BLK: variants seen among roughly 807,000 people sequenced by gnomAD.
BLK encodes the protein tyrosine-protein kinase Blk.
BLK carries 64 observed loss-of-function variants against 61.8 expected under a neutral mutation model. The ratio of observed to expected loss-of-function variants is 1.03; its 90% CI spans 0.85 to 1.27. The LOEUF (loss-of-function observed/expected upper bound fraction) is 1.27. Ranked by LOEUF, BLK falls within the 50% of genes most tolerant of loss-of-function variation. The probability of loss-of-function intolerance (pLI) is 0.00; values close to 1 mark genes in which losing one functional copy is unlikely to be tolerated. For missense variants in BLK, 853 were observed against 660.5 expected, an observed-to-expected ratio of 1.29 and a Z score of -3.19; for synonymous variants, 351 against 272.0, an observed-to-expected ratio of 1.29 and a Z score of -2.86.
chr8:11,540,288 T>C (rs1357042222), intron 1 of BLK, among the ~76,000 whole-genome samples: 2 of 152,204 alleles, frequency 1.3e-5, no homozygotes, highest in Non-Finnish European at 2.9e-5. Context: ...AAATAAACTA[T>C]CCACTTTCTA....
chr8:11,497,536 T>A (rs891402396), intron 1 of BLK, among the ~76,000 whole-genome samples: 1 of 152,168 alleles, frequency 6.6e-6, no homozygotes, highest in African/African-American at 2.4e-5. Flanking sequence ...CCAAAGCTCC[T>A]GAGGACAAGG....
At chr8:11,498,939 T>C (rs757716425) in intron 1 of BLK, among the ~76,000 whole-genome samples, 1 of 152,236 alleles carries the variant, frequency 6.6e-6, no homozygotes, top group Non-Finnish European at 1.5e-5. Flanking sequence ...AAGACACATC[T>C]TACATGACAA....
At chr8:11,524,648 G>T (rs1799581190) in intron 1 of BLK, among the ~76,000 whole-genome samples, 1 of 152,112 alleles carries the variant, frequency 6.6e-6, no homozygotes, top group Non-Finnish European at 1.5e-5. Context: ...AAAAATTAAG[G>T]GAAGATATGA....
chr8:11,553,706 A>C (rs983285915), intron 6 of BLK: 3 of 162,098 alleles, frequency 1.9e-5, no homozygotes, highest in African/African-American at 7.2e-5. Flanking sequence ...CTCTGGGCTG[A>C]GGCTGGGGTG....
At chr8:11,557,402 AG>A (rs1268814284) in intron 9 of BLK, among the ~76,000 whole-genome samples, 4 of 152,180 alleles carry the variant, frequency 2.6e-5, no homozygotes, top group African/African-American at 9.7e-5. Context: ...ACTGTCACCA[AG>A]GGGCCCCCGG....
In BLK at chr8:11,549,107, G is replaced by A; in HGVS notation, c.353G>A (p.Ser118Asn). 3 of 1,607,744 alleles carry A rather than the reference G, an allele frequency of 1.9e-6. No homozygotes were observed. The highest frequency in any genetic ancestry group is 2.2e-5 in the South Asian group (2 of 89,094). The change falls in exon 5 of 13, where the codon AGC (serine) becomes AAC (asparagine). Residue 118 changes from serine (S) to asparagine (N), a missense_variant. By Grantham distance (46) the Ser-to-Asn change is conservative. Transcript: ENST00000259089. Reference sequence around the variant, plus strand: ...AGTAACTTTGTGGCCCGAGTGGAGAGCCTGGAAATGGAAAGGTAGGTGGGC... The same window carrying A: ...AGTAACTTTGTGGCCCGAGTGGAGAACCTGGAAATGGAAAGGTAGGTGGGC... The part of the protein sequence containing the change: ...VPSNFVARVE[S>N]LEMERWFFRS...
chr8:11,560,052 T>C, intron 10 of BLK: 1 of 339,222 alleles, frequency 2.9e-6, no homozygotes, highest in Non-Finnish European at 5.7e-6. Flanking sequence ...TACTCAGTTT[T>C]ATATTCCCCA....
chr8:11,504,543 G>T (rs953422428), intron 1 of BLK, among the ~76,000 whole-genome samples: 1 of 152,202 alleles, frequency 6.6e-6, no homozygotes, highest in Non-Finnish European at 1.5e-5. Context: ...CTGGTTATCC[G>T]TGTGTAATGC....
intron 1 of BLK, among the ~76,000 whole-genome samples, chr8:11,520,685 T>C (rs1799415409): frequency 6.6e-6 from 1 of 152,088 alleles, no homozygotes; most frequent in Non-Finnish European, 1.5e-5. Flanking sequence ...ATAATTTAAC[T>C]TTGTTTTGGG....
At position 11,554,627 on chromosome 8, in the gene BLK, T is replaced by G; in HGVS notation, c.473-116T>G. The G allele has an allele frequency of 3.9e-6, 5 of 1,268,726 alleles. No homozygotes were observed. The Admixed American group carries it at 8.9e-5, about 23-fold the overall frequency. The allele number at this position is 1,268,726 out of a possible 1,614,324, so 78.6% of individuals were successfully genotyped here. A position where few individuals can be genotyped will look rare whatever the true frequency, so the allele number is the denominator to read the frequency against. On this transcript the variant is annotated intron_variant, in intron 6 of 12. Coordinates refer to ENST00000259089, the MANE Select transcript of BLK (RefSeq NM_001715.3). Reference sequence around the variant, plus strand: ...AGGAAACTTGTGGAGGGAGTGCTGATAATGAAGAACAGAATTGGGGAACTT... The same window carrying G: ...AGGAAACTTGTGGAGGGAGTGCTGAGAATGAAGAACAGAATTGGGGAACTT...
chr8:11,550,966 A>T (rs1800870832), intron 6 of BLK, among the ~76,000 whole-genome samples: 1 of 152,204 alleles, frequency 6.6e-6, no homozygotes, highest in Non-Finnish European at 1.5e-5. Context: ...AGAGCATCCC[A>T]GACCACCAGG....
intron 10 of BLK, chr8:11,558,329 C>A (rs773186823): frequency 9.0e-6 from 4 of 442,072 alleles, no homozygotes; most frequent in Non-Finnish European, 1.7e-5. Context: ...GAAGAGAGGG[C>A]GAATGAATGT....
intron 2 of BLK, 107 bp from the exon 3 acceptor site, chr8:11,545,945 G>C (rs1235520240): frequency 8.4e-7 from 1 of 1,188,396 alleles, no homozygotes; most frequent in Non-Finnish European, 1.3e-6. Flanking sequence ...TCCTCCTTCA[G>C]TAGGTCCCTG....
chr8:11,533,759 GA>G (rs1157850927), intron 1 of BLK, among the ~76,000 whole-genome samples: 1 of 152,216 alleles, frequency 6.6e-6, no homozygotes, highest in Non-Finnish European at 1.5e-5. Context: ...AAGTACCACA[GA>G]GGTGTGAGTT....
At chr8:11,549,593 C>T (rs929308478) in intron 5 of BLK, among the ~76,000 whole-genome samples, 35 of 152,200 alleles carry the variant, frequency 2.3e-4, no homozygotes, top group Non-Finnish European at 3.7e-4. Context: ...ATTTCGGACT[C>T]GGCCAGCCAG....
chr8:11,547,596 AC>A, intron 3 of BLK, among the ~76,000 whole-genome samples: 1 of 152,304 alleles, frequency 6.6e-6, no homozygotes, highest in South Asian at 2.1e-4. Context: ...TGGCAAGACC[AC>A]CCCTACTGGG....
chr8:11,550,391 C>A, intron 6 of BLK, 129 bp downstream of exon 6: 2 of 879,456 alleles, frequency 2.3e-6, no homozygotes, highest in Non-Finnish European at 1.8e-6. Context: ...GGGCTTGTGT[C>A]CCTCCCAATT....
At chr8:11,556,876 G>A (rs750586124) in intron 9 of BLK, 39 bp downstream of exon 9, 24 of 1,605,208 alleles carry the variant, frequency 1.5e-5, no homozygotes, top group Middle Eastern at 1.8e-4. Flanking sequence ...AGAGCGAGGC[G>A]GGAGGGCCGG....
chr8:11,495,095 T>G (rs1585308812), intron 1 of BLK, among the ~76,000 whole-genome samples: 1 of 152,334 alleles, frequency 6.6e-6, no homozygotes, highest in African/African-American at 2.4e-5. Context: ...AGGAATGGGG[T>G]AACTGAATAG....
Sources: allele counts gnomAD v4.1 joint callset (sites outside exome capture counted in the v4.1 genomes callset), GRCh38; gene constraint gnomAD v4.1.1; transcripts MANE v1.5; gene names NCBI Gene and HGNC (gene_info 2026-07-23, HGNC 2026-07-21).